The following CELF4 variants were observed in gnomAD, a reference collection of about 807,000 sequenced individuals.
The protein encoded by CELF4 is CUGBP Elav-like family member 4.
A neutral mutation model predicts 59.9 loss-of-function variants in CELF4; 18 were observed. The observed-to-expected ratio is 0.30, with a 90% CI of 0.21 to 0.45. The LOEUF (loss-of-function observed/expected upper bound fraction) is 0.45, where lower values mean the gene tolerates loss of function less well. CELF4 is among the 20% of genes least tolerant of loss of function. The pLI is 1.00. For synonymous variants in CELF4, 261 were observed against 267.1 expected (o/e 0.98, Z 0.22); for missense variants, 456 against 689.0 (o/e 0.66, Z 3.79).
intron 11 of CELF4, among the ~76,000 whole-genome samples, chr18:37,255,583 C>A (rs1445333535): frequency 6.6e-6 from 1 of 151,362 alleles, no homozygotes; most frequent in Non-Finnish European, 1.5e-5. Context: ...CCCTCCTGGC[C>A]CGTCCCCACC....
intron 1 of CELF4, among the ~76,000 whole-genome samples, chr18:37,519,181 C>G (rs2099954248): frequency 1.3e-5 from 2 of 152,158 alleles, no homozygotes; most frequent in African/African-American, 2.4e-5. Context: ...CCTGGATACT[C>G]TGGTTTGCGT....
chr18:37,277,081 T>G (rs535293441), intron 3 of CELF4, among the ~76,000 whole-genome samples: 1 of 152,280 alleles, frequency 6.6e-6, no homozygotes, highest in East Asian at 1.9e-4. Flanking sequence ...GAGGAGGCTT[T>G]CAGGCCCCTG....
intron 2 of CELF4, among the ~76,000 whole-genome samples, chr18:37,414,874 C>T (rs1053698604): frequency 6.6e-6 from 1 of 152,096 alleles, no homozygotes; most frequent in African/African-American, 2.4e-5. Context: ...TCCACTCATC[C>T]ACCACCGATC....
At chr18:37,318,249 C>T (rs892905722) in intron 3 of CELF4, among the ~76,000 whole-genome samples, 6 of 151,902 alleles carry the variant, frequency 3.9e-5, no homozygotes, top group African/African-American at 1.5e-4. Flanking sequence ...CCCAGTCTTC[C>T]CTCACCCACT....
intron 2 of CELF4, among the ~76,000 whole-genome samples, chr18:37,353,003 G>T (rs543467654): frequency 1.4e-4 from 21 of 151,954 alleles, no homozygotes; most frequent in Admixed American, 4.6e-4. Context: ...GGGCAGATCA[G>T]GAAGTCAGGA....
chr18:37,363,265 G>A (rs1383563478), intron 2 of CELF4, among the ~76,000 whole-genome samples: 1 of 152,098 alleles, frequency 6.6e-6, no homozygotes, highest in East Asian at 1.9e-4. Context: ...TCCCGACAAA[G>A]GAAGAGAACT....
chr18:37,543,474 G>T (rs1168692428), intron 1 of CELF4, among the ~76,000 whole-genome samples: 1 of 152,178 alleles, frequency 6.6e-6, no homozygotes, highest in African/African-American at 2.4e-5. Context: ...GGCTTTTTTT[G>T]TGTGTTACCT....
chr18:37,527,274 G>A (rs191381419), intron 1 of CELF4, among the ~76,000 whole-genome samples: 106 of 151,920 alleles, frequency 7.0e-4, no homozygotes, highest in Non-Finnish European at 1.3e-4. Context: ...AGTGCTGGCC[G>A]TGAGTTTGGA....
chr18:37,494,941 A>T (rs1281492061), intron 1 of CELF4, among the ~76,000 whole-genome samples: 1 of 152,150 alleles, frequency 6.6e-6, no homozygotes, highest in Non-Finnish European at 1.5e-5. Flanking sequence ...GAGTCAGCTG[A>T]GGTGGTGCCT....
At chr18:37,461,185 T>C (rs1292032751) in intron 2 of CELF4, among the ~76,000 whole-genome samples, 5 of 152,290 alleles carry the variant, frequency 3.3e-5, no homozygotes, top group African/African-American at 1.2e-4. Flanking sequence ...TTGAGTCCTA[T>C]GGGAGTTATC....
chr18:37,291,160 C>T (rs11081994), intron 3 of CELF4, among the ~76,000 whole-genome samples: 2,870 of 152,234 alleles, frequency 0.019, 95 homozygotes, highest in African/African-American at 0.066. Context: ...CCGCCTGCCT[C>T]GGCCTCCCAA....
Position 37,565,773 on chromosome 18 carries a change from G to A in CELF4, c.-132C>T. 1.7e-6 allele frequency: 1 copy of A among 599,886 alleles called. No homozygotes were observed. The allele number at this position is 599,886 out of a possible 1,614,324, so 37.2% of individuals were successfully genotyped here. A position where few individuals can be genotyped will look rare whatever the true frequency, so the allele number is the denominator to read the frequency against. ...CTCCCCCTCGGTTTCTCTACACCTCGCTCTCCGCTCGCTCTCTGCTCTCTC... is the reference window on the plus strand; with the variant it reads ...CTCCCCCTCGGTTTCTCTACACCTCACTCTCCGCTCGCTCTCTGCTCTCTC... On this transcript the variant is annotated 5_prime_UTR_variant, in exon 1 of 13. Transcript: ENST00000420428.
At chr18:37,314,433 T>C (rs562817762) in intron 3 of CELF4, among the ~76,000 whole-genome samples, 1 of 152,078 alleles carries the variant, frequency 6.6e-6, no homozygotes, top group East Asian at 1.9e-4. Flanking sequence ...CCAGCCTGGG[T>C]GACAGAGTGA....
At chr18:37,390,268 C>T (rs1352503997) in intron 2 of CELF4, among the ~76,000 whole-genome samples, 1 of 152,150 alleles carries the variant, frequency 6.6e-6, no homozygotes, top group Admixed American at 6.5e-5. Context: ...TTGATTCTTC[C>T]TCTCGGTTCC....
At position 37,555,504 on chromosome 18, in the gene CELF4, C is replaced by T. The variant is rs529485082; in HGVS notation, c.286+9852G>A. On this transcript the variant is annotated intron_variant, in intron 1 of 12. Coordinates refer to ENST00000420428, the MANE Select transcript of CELF4 (RefSeq NM_020180.4). ...CCATGAAAAGCTCTCCCAAGATCTT[C>T]GCCTAGCTGTATATTCTTAGAACCA... Among the ~76,000 whole-genome samples the T allele has an allele frequency of 5.9e-5, 9 of 152,260 alleles. No homozygotes were observed. In the East Asian group the frequency reaches 1.5e-3, roughly 26 times the overall value.
chr18:37,297,543 A>AT (rs1351098296), intron 3 of CELF4, among the ~76,000 whole-genome samples: 1 of 152,162 alleles, frequency 6.6e-6, no homozygotes, highest in African/African-American at 2.4e-5. Flanking sequence ...TTCTAGGTCT[A>AT]TTTTTTGTTT....
intron 2 of CELF4, among the ~76,000 whole-genome samples, chr18:37,454,530 G>A (rs1030413916): frequency 3.9e-5 from 6 of 152,142 alleles, no homozygotes; most frequent in African/African-American, 1.4e-4. Context: ...AGGCAGGAAT[G>A]TAGCTTAATT....
intron 2 of CELF4, among the ~76,000 whole-genome samples, chr18:37,410,494 G>A (rs60660101): frequency 3.3e-5 from 5 of 152,246 alleles, no homozygotes; most frequent in South Asian, 2.1e-4. Flanking sequence ...CAAACCCGAC[G>A]ATAGGGCTTG....
At chr18:37,345,295 A>G (rs2098212557) in intron 2 of CELF4, among the ~76,000 whole-genome samples, 1 of 152,234 alleles carries the variant, frequency 6.6e-6, no homozygotes, top group South Asian at 2.1e-4. Context: ...TGTTCCGCAA[A>G]AGACCCTAAA....
Sources: allele counts gnomAD v4.1 joint callset (sites outside exome capture counted in the v4.1 genomes callset), GRCh38; gene constraint gnomAD v4.1.1; transcripts MANE v1.5; gene names NCBI Gene and HGNC (gene_info 2026-07-23, HGNC 2026-07-21).